The following HIPK2 variants were observed in gnomAD, a reference collection of about 807,000 sequenced individuals.
The protein encoded by HIPK2 is homeodomain interacting protein kinase 2.
In HIPK2, 27 loss-of-function variants were observed where a neutral mutation model predicts 113.7. The observed-to-expected ratio is 0.24, with a 90% CI of 0.17 to 0.33. The LOEUF is 0.33. Among genes scored for constraint, HIPK2 ranks in the 10% least tolerant of loss-of-function variants. The pLI, the probability that HIPK2 is intolerant of heterozygous loss-of-function variation, is 1.00. For missense variants in HIPK2, 1,257 were observed against 1,588.0 expected (o/e 0.79, Z 3.54); for synonymous variants, 631 against 642.2 (o/e 0.98, Z 0.26).
rs958585941 is a variant in HIPK2, at chr7:139,572,963, C to T, written c.3561G>A (p.Leu1187=). ...PASTVYTGYP[L]SPAKVNQYPY... ...GGTACTGGTTGACCTTGGCGGGGCT[C>T]AGTGGGTATCCAGTGTAGACGGTGG... The change falls in exon 15 of 15, where the codon CTG becomes CTA. Residue 1187 remains leucine, a synonymous_variant. Transcript: ENST00000406875. 3.2e-5 allele frequency: 43 copies of T among 1,340,266 alleles called. No individual in the cohort carries two copies. Among genetic ancestry groups the T allele is most frequent in the Non-Finnish European group, 4.3e-5 (43 of 1,010,148 alleles). The allele number at this position is 1,340,266 out of a possible 1,614,324, so 83.0% of individuals were successfully genotyped here. A position where few individuals can be genotyped will look rare whatever the true frequency, so the allele number is the denominator to read the frequency against.
chr7:139,671,269 A>C (rs975904138), intron 2 of HIPK2, among the ~76,000 whole-genome samples: 1 of 152,224 alleles, frequency 6.6e-6, no homozygotes, highest in Non-Finnish European at 1.5e-5. Flanking sequence ...ACAATAATAG[A>C]AGATTCTAAA....
intron 1 of HIPK2, among the ~76,000 whole-genome samples, chr7:139,743,629 G>A (rs1796143846): frequency 6.6e-6 from 1 of 152,176 alleles, no homozygotes; most frequent in African/African-American, 2.4e-5. Context: ...ACTGCCCTGT[G>A]GATTCAGCCA....
At chr7:139,634,674 G>GCTTTTTTTTTT (rs1800743691) in intron 2 of HIPK2, among the ~76,000 whole-genome samples, 1 of 113,664 alleles carries the variant, frequency 8.8e-6, no homozygotes, top group Non-Finnish European at 1.7e-5. Flanking sequence ...TCTGTTTCAG[G>GCTTTTTTTTTT]TTTTTTTTTT....
intron 12 of HIPK2, 85 bp from the exon 13 acceptor site, chr7:139,584,149 GA>G: frequency 6.7e-7 from 1 of 1,496,996 alleles, no homozygotes; most frequent in Non-Finnish European, 9.0e-7. Context: ...TGGGGCAGGG[GA>G]GGGAGGCAGA....
intron 2 of HIPK2, among the ~76,000 whole-genome samples, chr7:139,666,629 C>T (rs2116597964): frequency 6.6e-6 from 1 of 152,266 alleles, no homozygotes; most frequent in African/African-American, 2.4e-5. Context: ...TGTTAAGAGG[C>T]ACCACAGTAC....
At chr7:139,760,331 C>T (rs536066180) in intron 1 of HIPK2, among the ~76,000 whole-genome samples, 127 of 152,192 alleles carry the variant, frequency 8.3e-4, no homozygotes, top group African/African-American at 3.0e-3. Flanking sequence ...GACCCTTCAG[C>T]CACGTAATGC....
intron 2 of HIPK2, among the ~76,000 whole-genome samples, chr7:139,687,361 C>T (rs1018458896): frequency 1.3e-5 from 2 of 152,144 alleles, no homozygotes; most frequent in Non-Finnish European, 2.9e-5. Flanking sequence ...TTTTTATATG[C>T]ACTAAGAACC....
chr7:139,716,697 TTGTGTGG>T lies in HIPK2; in HGVS notation c.331_337del (p.Pro111ThrfsTer2). 1 of 1,613,814 alleles carries T rather than the reference TTGTGTGG, an allele frequency of 6.2e-7. No individual in the cohort carries two copies. The highest frequency in any genetic ancestry group is 1.3e-5 in the African/African-American group (1 of 74,980). The stretch of plus-strand genomic sequence containing the variant: ...GCTCACAGTGCTTCGACGCATTAGG[TTGTGTGG>T]TCCGCCGAGGACTTGCCCGGTGACA... On this transcript the variant is annotated frameshift_variant, in exon 2 of 15. Coordinates refer to ENST00000406875, the MANE Select transcript of HIPK2 (RefSeq NM_022740.5). LOFTEE classifies it high-confidence loss of function. This position sits in a 1 kb window ranked among gnomAD's most constrained non-coding sequence, Gnocchi z 9.3.
At chr7:139,621,668 C>A (rs1459093962) in intron 6 of HIPK2, among the ~76,000 whole-genome samples, 1 of 152,066 alleles carries the variant, frequency 6.6e-6, no homozygotes, top group Non-Finnish European at 1.5e-5. Context: ...GTGGCTCACG[C>A]CTTAATCCCA....
At chr7:139,671,006 C>T (rs1802269784) in intron 2 of HIPK2, among the ~76,000 whole-genome samples, 1 of 152,034 alleles carries the variant, frequency 6.6e-6, no homozygotes, top group Admixed American at 6.6e-5. Context: ...AGTGATTTGC[C>T]CGCCTCAGCC....
intron 1 of HIPK2, among the ~76,000 whole-genome samples, chr7:139,731,092 G>T (rs1255857852): frequency 6.6e-6 from 1 of 152,186 alleles, no homozygotes; most frequent in Non-Finnish European, 1.5e-5. Flanking sequence ...GTGTTAATTT[G>T]TTACAGTCAC....
At chr7:139,736,684 C>G (rs1196929409) in intron 1 of HIPK2, among the ~76,000 whole-genome samples, 1 of 152,326 alleles carries the variant, frequency 6.6e-6, no homozygotes, top group Non-Finnish European at 1.5e-5. Flanking sequence ...AATGCCTACG[C>G]TGGAGCTATG....
Position 139,716,002 on chromosome 7 carries a change from T to C in HIPK2, c.1033A>G (p.Ile345Val), listed in dbSNP as rs753720650. The change falls in exon 2 of 15, where the codon ATC (isoleucine) becomes GTC (valine). Residue 345 changes from isoleucine (I) to valine (V), a missense_variant. Coordinates refer to ENST00000406875, the MANE Select transcript of HIPK2 (RefSeq NM_022740.5). The surrounding 1 kb of genome is among the most constrained non-coding windows in gnomAD (Gnocchi z 9.3). Reference protein sequence around the residue: ...PSRQPYRVKVIDFGSASHVSK... With the variant: ...PSRQPYRVKVVDFGSASHVSK... ...ACGTGGCTGGCTGAACCAAAGTCGA[T>C]GACCTTGACTCTGTATGGTTGTCTA... 20 of 1,614,044 alleles carry C rather than the reference T, an allele frequency of 1.2e-5. No homozygotes were observed. Among genetic ancestry groups the C allele is most frequent in the Non-Finnish European group, 1.6e-5 (19 of 1,180,030 alleles).
At chr7:139,762,438 G>A (rs1269988826) in intron 1 of HIPK2, among the ~76,000 whole-genome samples, 9 of 152,194 alleles carry the variant, frequency 5.9e-5, no homozygotes, top group Non-Finnish European at 1.3e-4. Flanking sequence ...CAAAGCTCTA[G>A]GGGAAAAGTG....
chr7:139,638,656 C>CTTTTTTTTTTTTTTTTTTTTT lies in HIPK2; in HGVS notation c.1104-6932_1104-6931insAAAAAAAAAAAAAAAAAAAAA, dbSNP rs1184555180. Among the ~76,000 whole-genome samples, 19 of 130,246 alleles carry CTTTTTTTTTTTTTTTTTTTTT rather than the reference C, an allele frequency of 1.5e-4. 1 individual carries two copies. The highest frequency in any genetic ancestry group is 5.8e-4 in the African/African-American group (19 of 32,920). 85.4% of individuals were successfully genotyped at this position (130,246 alleles called of 152,430 possible). On this transcript the variant is annotated intron_variant, in intron 2 of 14. Transcript: ENST00000406875. ...CTGGAGAAAGAGAGTAAATAATTGT[C>CTTTTTTTTTTTTTTTTTTTTT]TTTTTTTTTTTTTTTTTTTGAGACA...
intron 2 of HIPK2, among the ~76,000 whole-genome samples, chr7:139,712,957 C>T (rs1198222707): frequency 6.6e-6 from 1 of 152,124 alleles, no homozygotes; most frequent in East Asian, 1.9e-4. Context: ...TCCTGCTGAC[C>T]GTATTTTTGG....
chr7:139,731,495 T>A lies in HIPK2; in HGVS notation c.20-14480A>T, dbSNP rs192161805. 2.8e-3 allele frequency among the ~76,000 whole-genome samples: 419 copies of A among 152,340 alleles called. 3 individuals are homozygous for A. The highest frequency in any genetic ancestry group is 8.9e-3 in the African/African-American group (371 of 41,576). On this transcript the variant is annotated intron_variant, in intron 1 of 14. Transcript: ENST00000406875. ...ACGGCACTTCCTCAAACCTGCCTTTTCTAAACCTCAACTTCTTGCTGAGTT... is the reference window on the plus strand; with the variant it reads ...ACGGCACTTCCTCAAACCTGCCTTTACTAAACCTCAACTTCTTGCTGAGTT...
In HIPK2 at chr7:139,613,920, T is replaced by G. The variant is rs562668389; in HGVS notation, c.1990+366A>C. Among the ~76,000 whole-genome samples, 6 of 152,324 alleles carry G rather than the reference T, an allele frequency of 3.9e-5. No individual in the cohort carries two copies. Among genetic ancestry groups the G allele is most frequent in the South Asian group, 4.1e-4 (2 of 4,828 alleles). ...TGGGACTATGTCGGCTGTCAGAGAT[T>G]GGCAGTTTTCTACAGATAACCCACA... On this transcript the variant is annotated intron_variant, in intron 8 of 14. Transcript: ENST00000406875. This position sits in a 1 kb window ranked among gnomAD's most constrained non-coding sequence, Gnocchi z 4.2.
At chr7:139,670,172 T>C (rs963080031) in intron 2 of HIPK2, among the ~76,000 whole-genome samples, 1 of 152,196 alleles carries the variant, frequency 6.6e-6, no homozygotes, top group Admixed American at 6.5e-5. Context: ...TAAAAGGCTG[T>C]TGTCCTACAA....
Sources: allele counts gnomAD v4.1 joint callset (sites outside exome capture counted in the v4.1 genomes callset), GRCh38; gene constraint gnomAD v4.1.1; non-coding constraint Gnocchi (gnomAD v3.1); transcripts MANE v1.5; gene names NCBI Gene and HGNC (gene_info 2026-07-23, HGNC 2026-07-21).